ADARB2: variants seen among roughly 807,000 people sequenced by gnomAD.
ADARB2 encodes adenosine deaminase RNA specific B2 (inactive), also known as inactive double-stranded RNA-specific editase B2.
A neutral mutation model predicts 62.2 loss-of-function variants in ADARB2; 25 were observed. The ratio of observed to expected loss-of-function variants is 0.40; its 90% CI spans 0.29 to 0.56. The LOEUF (loss-of-function observed/expected upper bound fraction) is 0.56. ADARB2 is among the 20% of genes least tolerant of loss of function. The probability of loss-of-function intolerance (pLI) is 0.43; values close to 1 mark genes in which losing one functional copy is unlikely to be tolerated. For synonymous variants in ADARB2, 572 were observed against 500.8 expected (o/e 1.14, Z -1.90); for missense variants, 1,071 against 1,077.4 (o/e 0.99, Z 0.08).
At chr10:1,667,580 T>C (rs1396904444) in intron 1 of ADARB2, among the ~76,000 whole-genome samples, 1 of 152,232 alleles carries the variant, frequency 6.6e-6, no homozygotes, top group Non-Finnish European at 1.5e-5. Context: ...GTCCTTGTTT[T>C]CACAGCTGAA....
At chr10:1,371,983 A>G (rs1294606485) in intron 2 of ADARB2, among the ~76,000 whole-genome samples, 1 of 152,098 alleles carries the variant, frequency 6.6e-6, no homozygotes, top group East Asian at 1.9e-4. Flanking sequence ...GGAAAAGAAA[A>G]TCATTACATA....
rs564956191 is a variant in ADARB2 at position 1,496,044 on chromosome 10, A to G, written c.101-116884T>C. Among the ~76,000 whole-genome samples the G allele has an allele frequency of 1.5e-4, 22 of 148,800 alleles. No homozygotes were observed. The South Asian group carries it at 4.3e-3, about 29-fold the overall frequency. On this transcript the variant is annotated intron_variant, in intron 1 of 9. Coordinates refer to ENST00000381312, the MANE Select transcript of ADARB2 (RefSeq NM_018702.4). Reference sequence around the variant, plus strand: ...ATCATTAGTATCAACCTCATCACTGACATCATTATCTTCATCATCACCATC... The same window carrying G: ...ATCATTAGTATCAACCTCATCACTGGCATCATTATCTTCATCATCACCATC...
chr10:1,706,641 G>A (rs549663996), intron 1 of ADARB2, among the ~76,000 whole-genome samples: 1 of 152,328 alleles, frequency 6.6e-6, no homozygotes, highest in African/African-American at 2.4e-5. Flanking sequence ...CCTGGCGCTG[G>A]ACTAGAATCT....
At chr10:1,563,188 C>A (rs1161965148) in intron 1 of ADARB2, among the ~76,000 whole-genome samples, 1 of 152,046 alleles carries the variant, frequency 6.6e-6, no homozygotes, top group South Asian at 2.1e-4. Context: ...AGGGTGAGAA[C>A]GTGGTCCCTC....
At chr10:1,453,028 G>A (rs1400720220) in intron 1 of ADARB2, among the ~76,000 whole-genome samples, 1 of 152,160 alleles carries the variant, frequency 6.6e-6, no homozygotes, top group Non-Finnish European at 1.5e-5. Context: ...AGGTGCCACT[G>A]CTGCTGTCAT....
intron 7 of ADARB2, among the ~76,000 whole-genome samples, chr10:1,211,328 T>G (rs367720491): frequency 6.6e-6 from 1 of 152,222 alleles, no homozygotes; most frequent in Non-Finnish European, 1.5e-5. Flanking sequence ...TATCTGTCAT[T>G]TATTGTTCTA....
At position 1,606,330 on chromosome 10, in the gene ADARB2, A is replaced by G. The variant is rs969838339; in HGVS notation, c.100+130721T>C. ...GCTGGAAACCTGAGCGGGGGGGAGC[A>G]TCCTGGCTGTGCCTGGCAAGCTCCC... On this transcript the variant is annotated intron_variant, in intron 1 of 9. Transcript: ENST00000381312. Among the ~76,000 whole-genome samples, 3 of 150,578 alleles carry G rather than the reference A, an allele frequency of 2.0e-5. No homozygotes were observed. The East Asian group carries it at 5.9e-4, about 30-fold the overall frequency.
rs1459453122 is a variant in ADARB2, at chr10:1,704,403, T to C, written c.100+32648A>G. ...AGTGACAGATCATCAGGCATTAGAT[T>C]TTCATAAGGAGTCTGCAACCTGGAT... On this transcript the variant is annotated intron_variant, in intron 1 of 9. Transcript: ENST00000381312. This position sits in a 1 kb window ranked among gnomAD's most constrained non-coding sequence, Gnocchi z 5.6. 6.6e-6 allele frequency among the ~76,000 whole-genome samples: 1 copy of C among 152,174 alleles called. No homozygotes were observed. Among genetic ancestry groups the C allele is most frequent in the Non-Finnish European group, 1.5e-5 (1 of 68,030 alleles).
intron 1 of ADARB2, among the ~76,000 whole-genome samples, chr10:1,480,035 C>T (rs577513213): frequency 1.2e-4 from 18 of 150,896 alleles, no homozygotes; most frequent in Non-Finnish European, 2.2e-4. Flanking sequence ...AATAAATGCT[C>T]TCAATATGAT....
At chr10:1,627,414 T>A (rs796138526) in intron 1 of ADARB2, among the ~76,000 whole-genome samples, 6 of 152,264 alleles carry the variant, frequency 3.9e-5, no homozygotes, top group African/African-American at 1.4e-4. Flanking sequence ...CTCTCTCTCA[T>A]CACCTTCTTA....
chr10:1,586,103 C>T (rs573429043), intron 1 of ADARB2, among the ~76,000 whole-genome samples: 35 of 152,306 alleles, frequency 2.3e-4, no homozygotes, highest in African/African-American at 4.6e-4. Context: ...CTTGGGCACA[C>T]GTCATCAGGA....
At chr10:1,478,683 A>G (rs1831431684) in intron 1 of ADARB2, among the ~76,000 whole-genome samples, 1 of 151,586 alleles carries the variant, frequency 6.6e-6, no homozygotes. Flanking sequence ...GGAGAGCACC[A>G]AAACAAGGAC....
intron 6 of ADARB2, among the ~76,000 whole-genome samples, chr10:1,226,645 G>A (rs1830749194): frequency 6.6e-6 from 1 of 152,236 alleles, no homozygotes; most frequent in Non-Finnish European, 1.5e-5. Context: ...ACCCTCAGCT[G>A]CAGGTCTGTT....
chr10:1,563,305 G>C (rs1832812841), intron 1 of ADARB2, among the ~76,000 whole-genome samples: 1 of 151,980 alleles, frequency 6.6e-6, no homozygotes, highest in Admixed American at 6.6e-5. Context: ...GTGTATCCCT[G>C]CATCCTCCCC....
intron 1 of ADARB2, among the ~76,000 whole-genome samples, chr10:1,457,008 C>T (rs1273375342): frequency 7.3e-6 from 1 of 137,134 alleles, no homozygotes; most frequent in East Asian, 2.6e-4. Flanking sequence ...TCTCTGCCCG[C>T]CTCGGCCTCC....
intron 1 of ADARB2, among the ~76,000 whole-genome samples, chr10:1,463,094 C>T (rs1161875011): frequency 6.6e-6 from 1 of 152,068 alleles, no homozygotes; most frequent in African/African-American, 2.4e-5. Context: ...GCATAGTAAC[C>T]AGGGTCATGG....
At chr10:1,229,955 C>T (rs932418062) in intron 6 of ADARB2, among the ~76,000 whole-genome samples, 18 of 152,032 alleles carry the variant, frequency 1.2e-4, no homozygotes, top group African/African-American at 3.1e-4. Flanking sequence ...CACAATCGCT[C>T]GATGCAGGCC....
chr10:1,679,886 T>C (rs1834513275), intron 1 of ADARB2, among the ~76,000 whole-genome samples: 1 of 152,286 alleles, frequency 6.6e-6, no homozygotes, highest in Admixed American at 6.5e-5. Flanking sequence ...TTAACATTGC[T>C]GACATTCCTT....
At chr10:1,680,700 AG>A (rs1834525456) in intron 1 of ADARB2, among the ~76,000 whole-genome samples, 1 of 152,196 alleles carries the variant, frequency 6.6e-6, no homozygotes, top group Non-Finnish European at 1.5e-5. Context: ...CCAAATCTTC[AG>A]GACAGTTTTG....
Sources: allele counts gnomAD v4.1 joint callset (sites outside exome capture counted in the v4.1 genomes callset), GRCh38; gene constraint gnomAD v4.1.1; non-coding constraint Gnocchi (gnomAD v3.1); transcripts MANE v1.5; gene names NCBI Gene and HGNC (gene_info 2026-07-23, HGNC 2026-07-21).